The following KCNH4 variants were observed in gnomAD, a reference collection of about 807,000 sequenced individuals.
The protein encoded by KCNH4 is potassium voltage-gated channel subfamily H member 4, also known as voltage-gated delayed rectifier potassium channel KCNH4.
KCNH4 carries 33 observed loss-of-function variants against 90.7 expected under a neutral mutation model. The ratio of observed to expected loss-of-function variants is 0.36; its 90% CI spans 0.28 to 0.49. KCNH4 has a LOEUF of 0.49. KCNH4 is among the 20% of genes least tolerant of loss of function. The pLI is 0.98. For synonymous variants in KCNH4, 551 were observed against 581.7 expected (o/e 0.95, Z 0.76); for missense variants, 1,044 against 1,387.1 (o/e 0.75, Z 3.93).
intron 7 of KCNH4, among the ~76,000 whole-genome samples, chr17:42,170,596 GC>G (rs2079820660): frequency 6.6e-6 from 1 of 152,198 alleles, no homozygotes; most frequent in African/African-American, 2.4e-5. Flanking sequence ...CACTCTCCCT[GC>G]CCTGGTGGAA....
At chr17:42,173,871 T>C (rs1053835099) in intron 6 of KCNH4, among the ~76,000 whole-genome samples, 22 of 151,786 alleles carry the variant, frequency 1.4e-4, no homozygotes, top group African/African-American at 4.8e-4. Context: ...TGGCTAATTT[T>C]TTTTGTATTT....
At chr17:42,158,903 C>A (rs933641652) in intron 16 of KCNH4, among the ~76,000 whole-genome samples, 1 of 151,874 alleles carries the variant, frequency 6.6e-6, no homozygotes, top group African/African-American at 2.4e-5. Context: ...AGGTGGATCT[C>A]AAACTCATGG....
intron 6 of KCNH4, among the ~76,000 whole-genome samples, chr17:42,172,393 C>T (rs962826842): frequency 5.9e-5 from 9 of 151,706 alleles, no homozygotes; most frequent in African/African-American, 1.5e-4. Flanking sequence ...AGGATGGTCT[C>T]GATCTCCTGA....
In KCNH4 at chr17:42,163,364, A is replaced by T. The variant is rs552362566; in HGVS notation, c.2478-30T>A. ...GAACAGGGCAGTGCTCATCAGCACC[A>T]TGGGGTGAGGGTAAGGGCCAGAGCA... On this transcript the variant is annotated intron_variant, in intron 13 of 16. Transcript: ENST00000264661. The surrounding 1 kb of genome is among the most constrained non-coding windows in gnomAD (Gnocchi z 5.4). The T allele has an allele frequency of 6.9e-5, 105 of 1,532,026 alleles. No individual in the cohort carries two copies. Among genetic ancestry groups the T allele is most frequent in the Non-Finnish European group, 1.8e-6 (2 of 1,106,610 alleles). The allele number at this position is 1,532,026 out of a possible 1,614,324, so 94.9% of individuals were successfully genotyped here.
At chr17:42,173,595 C>T (rs2079841832) in intron 6 of KCNH4, among the ~76,000 whole-genome samples, 1 of 151,838 alleles carries the variant, frequency 6.6e-6, no homozygotes, top group Non-Finnish European at 1.5e-5. Context: ...AGTGGTATTC[C>T]TCATCTCACC....
chr17:42,166,550 C>T lies in KCNH4; in HGVS notation c.1591-4G>A. 1 of 1,608,684 alleles carries T rather than the reference C, an allele frequency of 6.2e-7. No homozygotes were observed. The highest frequency in any genetic ancestry group is 8.5e-7 in the Non-Finnish European group (1 of 1,175,734). On this transcript the variant is annotated splice_polypyrimidine_tract_variant and splice_region_variant and intron_variant, in intron 9 of 16. Transcript: ENST00000264661. ...CGTCTGGGAAGTCACGCAGTAACTG[C>T]ATAAGGGGCATAGGTCATTCTGGCC... is the stretch of plus-strand genomic sequence containing the variant.
chr17:42,157,733 G>C (rs545789298), intron 16 of KCNH4, among the ~76,000 whole-genome samples: 1 of 152,072 alleles, frequency 6.6e-6, no homozygotes, highest in East Asian at 1.9e-4. Context: ...TCAGCTTCCA[G>C]AGTAGCTGGG....
At chr17:42,164,048 C>A (rs977225489) in intron 12 of KCNH4, 82 bp downstream of exon 12, 2 of 1,512,494 alleles carry the variant, frequency 1.3e-6, no homozygotes, top group Non-Finnish European at 1.8e-6. Context: ...ATGCAGCTCC[C>A]CATCCATGGA....
At chr17:42,161,814 G>A (rs1013665210) in intron 15 of KCNH4, among the ~76,000 whole-genome samples, 4 of 152,150 alleles carry the variant, frequency 2.6e-5, no homozygotes, top group Admixed American at 6.5e-5. Flanking sequence ...TTAAAACTCT[G>A]GGAAGCACAT....
At chr17:42,169,271 G>A (rs1258655576) in intron 9 of KCNH4, among the ~76,000 whole-genome samples, 1 of 151,652 alleles carries the variant, frequency 6.6e-6, no homozygotes, top group African/African-American at 2.4e-5. Flanking sequence ...GCAGAGACAG[G>A]GTTTCACCAT....
intron 6 of KCNH4, among the ~76,000 whole-genome samples, chr17:42,174,641 A>C (rs1305520921): frequency 6.6e-6 from 1 of 152,038 alleles, no homozygotes; most frequent in African/African-American, 2.4e-5. Flanking sequence ...GAGAGCACAC[A>C]AGGAAACTGC....
chr17:42,164,001 A>G (rs1362727882), intron 12 of KCNH4, 43 bp from the exon 13 acceptor site: 1 of 1,500,804 alleles, frequency 6.7e-7, no homozygotes, highest in Non-Finnish European at 9.0e-7. Flanking sequence ...ACAGTGAACA[A>G]CAGACCCCTT....
rs902508793 is a variant in KCNH4, at chr17:42,170,246, C to T, written c.1251G>A (p.Val417=). The change falls in exon 8 of 17, where the codon GTG becomes GTA. Residue 417 remains valine (V), a synonymous_variant. Transcript: ENST00000264661. ...AGGCGCTGCGCCGTGATGGGCCGCC[C>T]ACCGAGCCATTGACATAGGGCACCT... The part of the protein sequence containing the change: ...RLEVPYVNGS[V]GGPSRRSAYI... 6.2e-7 allele frequency: 1 copy of T among 1,608,574 alleles called. No individual in the cohort carries two copies. Among genetic ancestry groups the T allele is most frequent in the Non-Finnish European group, 8.5e-7 (1 of 1,179,840 alleles).
chr17:42,172,536 A>AACACACACACACACAC (rs55671197), intron 6 of KCNH4, among the ~76,000 whole-genome samples: 2 of 136,630 alleles, frequency 1.5e-5, no homozygotes, highest in Non-Finnish European at 3.2e-5. Flanking sequence ...CTTATTTAAC[A>AACACACACACACACAC]ACACACACAC....
chr17:42,168,121 A>C (rs1308335533), intron 9 of KCNH4, among the ~76,000 whole-genome samples: 2 of 152,094 alleles, frequency 1.3e-5, no homozygotes, highest in African/African-American at 4.8e-5. Flanking sequence ...ACCTGAAGGC[A>C]CCGACATCCC....
intron 6 of KCNH4, among the ~76,000 whole-genome samples, chr17:42,174,776 A>G (rs1190005817): frequency 1.3e-5 from 2 of 152,130 alleles, no homozygotes; most frequent in African/African-American, 2.4e-5. Flanking sequence ...GGGCACCTCC[A>G]GAGTGTCCCC....
In KCNH4 at chr17:42,163,634, T is replaced by A; in HGVS notation, c.2449A>T (p.Thr817Ser). The A allele has an allele frequency of 5.4e-6, 8 of 1,495,004 alleles. No homozygotes were observed. The highest frequency in any genetic ancestry group is 6.3e-6 in the Non-Finnish European group (7 of 1,117,406). 92.6% of individuals were successfully genotyped at this position (1,495,004 alleles called of 1,614,324 possible). ...GGACTGAGGTCCGGAGGTCCAAAGGTTCCCAGTGGGGGAATGAGAAGCTGA... is the reference window on the plus strand; with the variant it reads ...GGACTGAGGTCCGGAGGTCCAAAGGATCCCAGTGGGGGAATGAGAAGCTGA... ...PPQLLIPPLG[T>S]FGPPDLSPRI... The change falls in exon 13 of 17, where the codon ACC becomes TCC. Residue 817 changes from threonine to serine, a missense_variant. This residue lies in a region of KCNH4 where 441 missense variants were observed against 512.3 expected (regional missense o/e 0.86). Coordinates refer to ENST00000264661, the MANE Select transcript of KCNH4 (RefSeq NM_012285.3). This position sits in a 1 kb window ranked among gnomAD's most constrained non-coding sequence, Gnocchi z 5.4.
chr17:42,161,950 CTCTTTTTTTT>C (rs945822625), intron 15 of KCNH4, among the ~76,000 whole-genome samples: 13 of 144,712 alleles, frequency 9.0e-5, no homozygotes, highest in African/African-American at 3.1e-4. Flanking sequence ...GAATATCTCT[CTCTTTTTTTT>C]TTTTTTTTTT....
intron 6 of KCNH4, among the ~76,000 whole-genome samples, chr17:42,173,043 G>C (rs1176558798): frequency 6.6e-6 from 1 of 151,794 alleles, no homozygotes; most frequent in Non-Finnish European, 1.5e-5. Flanking sequence ...CGGAGATAAT[G>C]GTACCTGGTA....
Sources: allele counts gnomAD v4.1 joint callset (sites outside exome capture counted in the v4.1 genomes callset), GRCh38; gene constraint gnomAD v4.1.1; regional missense constraint gnomAD v4.1.1; non-coding constraint Gnocchi (gnomAD v3.1); transcripts MANE v1.5; gene names NCBI Gene and HGNC (gene_info 2026-07-23, HGNC 2026-07-21).